Variants in ANTXR1 observed in about 807,000 individuals in gnomAD.
The protein encoded by ANTXR1 is ANTXR cell adhesion molecule 1, also known as anthrax toxin receptor 1.
In ANTXR1, 19 loss-of-function variants were observed where a neutral mutation model predicts 78.1. The observed-to-expected ratio is 0.24, with a 90% CI of 0.17 to 0.36. The LOEUF is 0.36. Among genes scored for constraint, ANTXR1 ranks in the 10% least tolerant of loss-of-function variants. The pLI is 1.00. For synonymous variants in ANTXR1, 273 were observed against 260.5 expected (o/e 1.05, Z -0.46); for missense variants, 518 against 718.6 (o/e 0.72, Z 3.19).
chr2:69,227,505 G>T (rs1437636349), intron 17 of ANTXR1, among the ~76,000 whole-genome samples: 2 of 152,178 alleles, frequency 1.3e-5, no homozygotes, highest in East Asian at 1.9e-4. Flanking sequence ...TCATCAGAAG[G>T]TTCCTTTCTT....
chr2:69,151,319 A>G lies in ANTXR1; in HGVS notation c.952-850A>G, dbSNP rs1573936091. Reference sequence around the variant, plus strand: ...CAGAAGGAAGCTTTTGATACCTATCACAATTTGCCCCCTCTCTCCTAGAAA... The same window carrying G: ...CAGAAGGAAGCTTTTGATACCTATCGCAATTTGCCCCCTCTCTCCTAGAAA... On this transcript the variant is annotated intron_variant, in intron 12 of 17. Transcript: ENST00000303714. Among the ~76,000 whole-genome samples, 4 of 150,684 alleles carry G rather than the reference A, an allele frequency of 2.7e-5. No individual in the cohort carries two copies. In the South Asian group the frequency reaches 8.3e-4, roughly 31 times the overall value.
At chr2:69,045,659 A>C (rs1009895209) in intron 3 of ANTXR1, among the ~76,000 whole-genome samples, 11 of 152,190 alleles carry the variant, frequency 7.2e-5, no homozygotes, top group Admixed American at 5.2e-4. Flanking sequence ...TATAGGACTA[A>C]CAGGACAGAG....
chr2:69,180,022 A>C (rs1674234017), intron 14 of ANTXR1, among the ~76,000 whole-genome samples: 1 of 152,212 alleles, frequency 6.6e-6, no homozygotes, highest in African/African-American at 2.4e-5. Flanking sequence ...TGTACGTCCT[A>C]GTCTGCTGTG....
chr2:69,116,178 T>G (rs1284386359), intron 10 of ANTXR1, among the ~76,000 whole-genome samples: 1 of 152,234 alleles, frequency 6.6e-6, no homozygotes, highest in East Asian at 1.9e-4. Flanking sequence ...GCCCAGGGCC[T>G]GACACATAGT....
intron 10 of ANTXR1, among the ~76,000 whole-genome samples, chr2:69,117,757 T>C (rs1048239326): frequency 2.6e-5 from 4 of 152,206 alleles, no homozygotes; most frequent in Non-Finnish European, 5.9e-5. Flanking sequence ...AATGCGATAT[T>C]ATTGACTCCC....
At position 69,193,367 on chromosome 2, in the gene ANTXR1, G is replaced by A; in HGVS notation, c.1386G>A (p.Arg462=). The change falls in exon 17 of 18, where the codon AGG becomes AGA. Residue 462 remains arginine, a synonymous_variant. Coordinates refer to ENST00000303714, the MANE Select transcript of ANTXR1 (RefSeq NM_032208.3). ...TCGATGCCTTGTGGGTCCTACTGAG[G>A]AAAGGATATGATCGTGTGTCTGTGA... ...GKLDALWVLL[R]KGYDRVSVMR... 1 of 1,613,660 alleles carries A rather than the reference G, an allele frequency of 6.2e-7. No homozygotes were observed. Among genetic ancestry groups the A allele is most frequent in the Non-Finnish European group, 8.5e-7 (1 of 1,179,860 alleles).
chr2:69,047,104 G>T (rs1390619184), intron 3 of ANTXR1, among the ~76,000 whole-genome samples: 1 of 152,132 alleles, frequency 6.6e-6, no homozygotes, highest in Non-Finnish European at 1.5e-5. Context: ...TATATGGAGG[G>T]CTGACTTCTA....
At chr2:69,116,348 T>C (rs1672144258) in intron 10 of ANTXR1, among the ~76,000 whole-genome samples, 1 of 152,218 alleles carries the variant, frequency 6.6e-6, no homozygotes, top group South Asian at 2.1e-4. Context: ...TCTTTGAATT[T>C]CACCAACTTG....
rs144186793 is a variant in ANTXR1 at position 69,154,436 on chromosome 2, C to T, written c.1047+2172C>T. ...GCTTCCTTGATGAGGGGTGATGCTC[C>T]AGAGCAGGGCAGATTAAGGTCATAT... On this transcript the variant is annotated intron_variant, in intron 13 of 17. Coordinates refer to ENST00000303714, the MANE Select transcript of ANTXR1 (RefSeq NM_032208.3). Among the ~76,000 whole-genome samples the T allele has an allele frequency of 1.3e-3, 204 of 152,214 alleles. 1 individual carries two copies. Among genetic ancestry groups the T allele is most frequent in the African/African-American group, 4.2e-3 (174 of 41,524 alleles).
chr2:69,193,490 C>T lies in ANTXR1; in HGVS notation c.1434+75C>T, dbSNP rs7570011. The T allele has an allele frequency of 0.015, 18,431 of 1,225,538 alleles. 731 individuals are homozygous for T. Among genetic ancestry groups the T allele is most frequent in the East Asian group, 0.13 (5,283 of 41,046 alleles). The allele number at this position is 1,225,538 out of a possible 1,614,324, so 75.9% of individuals were successfully genotyped here. A position where few individuals can be genotyped will look rare whatever the true frequency, so the allele number is the denominator to read the frequency against. ...ACACACACACACACACACACACACA[C>T]ATATTCTTTTTCTCTCTCCATCTTT... On this transcript the variant is annotated intron_variant, in intron 17 of 17. Coordinates refer to ENST00000303714, the MANE Select transcript of ANTXR1 (RefSeq NM_032208.3).
chr2:69,176,233 T>C (rs1356931066), intron 14 of ANTXR1, among the ~76,000 whole-genome samples: 2 of 152,024 alleles, frequency 1.3e-5, no homozygotes, highest in African/African-American at 4.8e-5. Context: ...TACTGAAGAA[T>C]ACAGGACAAT....
intron 16 of ANTXR1, among the ~76,000 whole-genome samples, chr2:69,185,378 A>G (rs1171180230): frequency 6.6e-6 from 1 of 152,026 alleles, no homozygotes; most frequent in Non-Finnish European, 1.5e-5. Flanking sequence ...TGTCTCTACT[A>G]AAAATACAAA....
intron 17 of ANTXR1, among the ~76,000 whole-genome samples, chr2:69,241,630 A>G (rs1417490942): frequency 6.6e-6 from 1 of 152,116 alleles, no homozygotes; most frequent in Non-Finnish European, 1.5e-5. Flanking sequence ...TTTTCCCTAC[A>G]ATTTTGCTAC....
chr2:69,125,408 T>C (rs1417110113), intron 12 of ANTXR1, among the ~76,000 whole-genome samples: 1 of 152,180 alleles, frequency 6.6e-6, no homozygotes, highest in African/African-American at 2.4e-5. Flanking sequence ...GCTTTGGTGG[T>C]TCCACGGCAT....
rs956202588 is a variant in ANTXR1, at chr2:69,218,134, C to A, written c.1434+24719C>A. 2.9e-4 allele frequency among the ~76,000 whole-genome samples: 44 copies of A among 152,132 alleles called. 1 individual carries two copies. Among genetic ancestry groups the A allele is most frequent in the Non-Finnish European group, 7.4e-5 (5 of 68,026 alleles). ...CCTCAAATGAACAAGGTCAACCAAGCGGCAAAGGTTCTAACAGTTCATTCT... is the reference window on the plus strand; with the variant it reads ...CCTCAAATGAACAAGGTCAACCAAGAGGCAAAGGTTCTAACAGTTCATTCT... On this transcript the variant is annotated intron_variant, in intron 17 of 17. Transcript: ENST00000303714.
intron 9 of ANTXR1, among the ~76,000 whole-genome samples, chr2:69,093,357 C>A (rs980926252): frequency 6.6e-6 from 1 of 152,004 alleles, no homozygotes; most frequent in Non-Finnish European, 1.5e-5. Context: ...TAGAGTAAGA[C>A]CAAAGTAAAA....
chr2:69,241,410 C>G (rs115601058), intron 17 of ANTXR1, among the ~76,000 whole-genome samples: 339 of 152,204 alleles, frequency 2.2e-3, no homozygotes, highest in African/African-American at 7.8e-3. Flanking sequence ...GTAACCACAC[C>G]CCTCTTACAA....
intron 12 of ANTXR1, among the ~76,000 whole-genome samples, chr2:69,151,237 G>A (rs1420369950): frequency 7.2e-6 from 1 of 139,338 alleles, no homozygotes; most frequent in African/African-American, 2.7e-5. Context: ...TGTCGCCCAG[G>A]CTGGAGTGCA....
intron 4 of ANTXR1, 69 bp downstream of exon 4, chr2:69,070,797 T>C (rs1670540422): frequency 3.5e-6 from 5 of 1,435,434 alleles, no homozygotes; most frequent in Non-Finnish European, 4.9e-6. Flanking sequence ...GGGTGACTGA[T>C]GAGATAAGGC....
Sources: allele counts gnomAD v4.1 joint callset (sites outside exome capture counted in the v4.1 genomes callset), GRCh38; gene constraint gnomAD v4.1.1; transcripts MANE v1.5; gene names NCBI Gene and HGNC (gene_info 2026-07-23, HGNC 2026-07-21).